Variants in ANKRD30A observed in about 807,000 individuals in gnomAD.
ANKRD30A encodes the protein ankyrin repeat domain 30A.
Under a neutral mutation model 166.3 loss-of-function variants are expected in ANKRD30A, and 170 were observed. The observed-to-expected ratio is 1.02, with a 90% CI of 0.90 to 1.16. The LOEUF is 1.16. Among genes scored for constraint, ANKRD30A ranks in the 50% most tolerant of loss-of-function variants. The probability of loss-of-function intolerance (pLI) is 0.00; values close to 1 mark genes in which losing one functional copy is unlikely to be tolerated. For synonymous variants in ANKRD30A, 564 were observed against 508.9 expected (o/e 1.11, Z -1.46); for missense variants, 1,630 against 1,518.0 (o/e 1.07, Z -1.23).
At chr10:37,234,059 A>C (rs1302046630), downstream of ANKRD30A, among the ~76,000 whole-genome samples, 1 of 152,156 alleles carries the variant, frequency 6.6e-6, no homozygotes, top group Admixed American at 6.5e-5. Context: ...ATTATAATAC[A>C]TCATTTTTGT....
chr10:37,157,597 T>G (rs919329251), intron 13 of ANKRD30A, among the ~76,000 whole-genome samples: 1 of 152,148 alleles, frequency 6.6e-6, no homozygotes, highest in African/African-American at 2.4e-5. Flanking sequence ...GGTTTGGAAC[T>G]CCTGGCCTCC....
chr10:37,197,996 ATG>A (rs1841291429), intron 29 of ANKRD30A, among the ~76,000 whole-genome samples: 1 of 151,804 alleles, frequency 6.6e-6, no homozygotes, highest in African/African-American at 2.4e-5. Context: ...GTGCCTGTGT[ATG>A]TGTGTGGTAA....
chr10:37,258,451 C>A, the ANKRD30A span, among the ~76,000 whole-genome samples: 1 of 151,954 alleles, frequency 6.6e-6, no homozygotes, highest in Admixed American at 6.6e-5. Context: ...AAACCAGAAA[C>A]AAACTCATAT....
intron 5 of ANKRD30A, among the ~76,000 whole-genome samples, chr10:37,134,757 C>A (rs886607503): frequency 1.3e-5 from 2 of 152,226 alleles, no homozygotes; most frequent in African/African-American, 4.8e-5. Context: ...TTAGCCTGGA[C>A]TTGGCCTAGA....
At chr10:37,132,914 T>C (rs2132511937) in intron 4 of ANKRD30A, among the ~76,000 whole-genome samples, 1 of 151,994 alleles carries the variant, frequency 6.6e-6, no homozygotes, top group East Asian at 1.9e-4. Flanking sequence ...GGCACGAGAA[T>C]CGCTTGAACT....
downstream of ANKRD30A, among the ~76,000 whole-genome samples, chr10:37,233,287 G>A (rs1045734511): frequency 2.0e-5 from 3 of 152,034 alleles, no homozygotes; most frequent in Middle Eastern, 3.2e-3. Context: ...GAGTGATATG[G>A]TCAGGGTCTA....
At chr10:37,257,613 G>C in the ANKRD30A span, among the ~76,000 whole-genome samples, 1 of 151,930 alleles carries the variant, frequency 6.6e-6, no homozygotes, top group Non-Finnish European at 1.5e-5. Context: ...TGTTCTCATT[G>C]GTTTCAAAAA....
chr10:37,167,719 T>TA lies in ANKRD30A; in HGVS notation c.2155+1025dup, dbSNP rs1051428597. Among the ~76,000 whole-genome samples the TA allele has an allele frequency of 4.8e-4, 73 of 151,942 alleles. 2 individuals are homozygous for TA. Among genetic ancestry groups the TA allele is most frequent in the African/African-American group, 1.6e-3 (66 of 41,264 alleles). On this transcript the variant is annotated intron_variant, in intron 19 of 35. Transcript: ENST00000361713. The stretch of plus-strand genomic sequence containing the variant: ...AGAAATTACAAAAATGTTGGCATAC[T>TA]ATTCCAGTATATGGGTATGAAAATC...
At chr10:37,222,955 T>C (rs962775843) in intron 34 of ANKRD30A, among the ~76,000 whole-genome samples, 1 of 151,540 alleles carries the variant, frequency 6.6e-6, no homozygotes, top group Admixed American at 6.6e-5. Flanking sequence ...ATCTTACCAG[T>C]TGTTACAATT....
intron 7 of ANKRD30A, 72 bp downstream of exon 7, chr10:37,142,362 G>A: frequency 1.5e-6 from 2 of 1,369,882 alleles, no homozygotes; most frequent in South Asian, 1.5e-5. Flanking sequence ...GTGTGATATG[G>A]GAGTAGTTGG....
At chr10:37,151,801 T>C (rs1837957582) in intron 11 of ANKRD30A, among the ~76,000 whole-genome samples, 1 of 152,158 alleles carries the variant, frequency 6.6e-6, no homozygotes, top group Admixed American at 6.5e-5. Context: ...ATATGACTGC[T>C]TTATGAAGAA....
At chr10:37,138,880 T>C (rs1836905772) in intron 6 of ANKRD30A, among the ~76,000 whole-genome samples, 1 of 152,060 alleles carries the variant, frequency 6.6e-6, no homozygotes, top group Non-Finnish European at 1.5e-5. Context: ...CAGAGAACGC[T>C]GCAAAGATAC....
chr10:37,162,672 T>G lies in ANKRD30A; in HGVS notation c.1924T>G (p.Phe642Val). Residue 642 changes from phenylalanine (F) to valine (V), a missense_variant, in exon 16 of 36, where the codon TTC (phenylalanine) becomes GTC (valine). By Grantham distance (50) the Phe-to-Val change is conservative. Around this residue, in one of 4 missense-constraint regions of ANKRD30A, gnomAD observed 904 missense variants for 818.5 expected, o/e 1.10. Transcript: ENST00000361713. ...KAEPPGKPSA[F>V]EPATEMQKSV... ...AGAGCCTCCGGGGAAGCCATCTGCC[T>G]TCGAGGTATTTAGTTTTATGATTTC... 6.2e-7 allele frequency: 1 copy of G among 1,612,538 alleles called. No homozygotes were observed. The highest frequency in any genetic ancestry group is 8.5e-7 in the Non-Finnish European group (1 of 1,179,804).
At chr10:37,198,857 C>A (rs1024660468) in intron 29 of ANKRD30A, among the ~76,000 whole-genome samples, 14 of 152,120 alleles carry the variant, frequency 9.2e-5, no homozygotes, top group Admixed American at 7.2e-4. Flanking sequence ...TTTTCTTTAA[C>A]CTGATTCAAA....
At chr10:37,199,001 A>G (rs1434403895) in intron 29 of ANKRD30A, among the ~76,000 whole-genome samples, 1 of 152,066 alleles carries the variant, frequency 6.6e-6, no homozygotes, top group Admixed American at 6.6e-5. Context: ...AACATGTGGG[A>G]ACGTTGGATT....
intron 24 of ANKRD30A, among the ~76,000 whole-genome samples, chr10:37,179,582 C>G (rs1351564368): frequency 1.3e-5 from 2 of 149,778 alleles, no homozygotes; most frequent in South Asian, 2.2e-4. Flanking sequence ...TATATCCAAG[C>G]TGATCAATTC....
At chr10:37,223,362 G>A (rs548422275) in intron 34 of ANKRD30A, among the ~76,000 whole-genome samples, 3 of 151,398 alleles carry the variant, frequency 2.0e-5, no homozygotes, top group South Asian at 4.2e-4. Context: ...GAGAATGAGC[G>A]TAGTTACCTT....
chr10:37,125,844 C>T lies in ANKRD30A; in HGVS notation c.57C>T (p.Ser19=). 1 of 1,187,814 alleles carries T rather than the reference C, an allele frequency of 8.4e-7. No individual in the cohort carries two copies. The highest frequency in any genetic ancestry group is 1.3e-5 in the South Asian group (1 of 76,364). The allele number at this position is 1,187,814 out of a possible 1,614,324, so 73.6% of individuals were successfully genotyped here. Residue 19 remains serine, a synonymous_variant, in exon 1 of 36, where the codon AGC becomes AGT. Coordinates refer to ENST00000361713, the MANE Select transcript of ANKRD30A (RefSeq NM_052997.3). ...VKVVPGPERP[S]PFSQLVYTSN... is the part of the protein sequence containing the mutation. ...TCGTGCCGGGCCCGGAGCGCCCGAG[C>T]CCTTTCAGCCAGCTAGTCTATACCA...
rs1836092167 is a variant in ANKRD30A, at chr10:37,127,201, T to C, written c.221+1193T>C. 2.0e-5 allele frequency among the ~76,000 whole-genome samples: 3 copies of C among 151,810 alleles called. No homozygotes were observed. The South Asian group carries it at 6.2e-4, about 31-fold the overall frequency. On this transcript the variant is annotated intron_variant, in intron 1 of 35. Coordinates refer to ENST00000361713, the MANE Select transcript of ANKRD30A (RefSeq NM_052997.3). ...AGAACTTGGTAATGGTCACACTTTATACTAGCAGGAAAAGAATTAGTTTCC... is the reference window on the plus strand; with the variant it reads ...AGAACTTGGTAATGGTCACACTTTACACTAGCAGGAAAAGAATTAGTTTCC...
Sources: gnomAD v4.1 joint callset for allele counts (sites outside exome capture counted in the v4.1 genomes callset) on GRCh38, gnomAD v4.1.1 for gene constraint, gnomAD v4.1.1 regional missense constraint, MANE v1.5 for transcripts, NCBI Gene and HGNC (gene_info 2026-07-23, HGNC 2026-07-21) for gene names.